The following TNS3 variants were observed in gnomAD, a reference collection of about 807,000 sequenced individuals.
TNS3 encodes tensin-3.
Under a neutral mutation model 140.9 loss-of-function variants are expected in TNS3, and 45 were observed. The ratio of observed to expected loss-of-function variants is 0.32; its 90% CI spans 0.25 to 0.41. The LOEUF (loss-of-function observed/expected upper bound fraction) is 0.41. Among genes scored for constraint, TNS3 ranks in the 10% least tolerant of loss-of-function variants. TNS3 has a pLI of 1.00. For missense variants in TNS3, 1,716 were observed against 1,906.7 expected (o/e 0.90, Z 1.86); for synonymous variants, 815 against 788.4 (o/e 1.03, Z -0.56).
intron 1 of TNS3, among the ~76,000 whole-genome samples, chr7:47,551,105 C>T (rs1305039051): frequency 1.3e-5 from 2 of 152,214 alleles, no homozygotes; most frequent in Non-Finnish European, 2.9e-5. Context: ...CCAGGAAGAT[C>T]TTCCTAAAAC....
intron 26 of TNS3, 78 bp from the exon 27 acceptor site, chr7:47,292,110 G>C (rs1296567549): frequency 7.0e-7 from 1 of 1,420,794 alleles, no homozygotes; most frequent in Non-Finnish European, 9.8e-7. Context: ...TAGACAATTT[G>C]ATGACAGAAT....
intron 1 of TNS3, among the ~76,000 whole-genome samples, chr7:47,548,279 C>T (rs613485): frequency 0.7 from 106,454 of 151,978 alleles, 37,552 homozygotes; most frequent in African/African-American, 0.79. Flanking sequence ...TAACACATCC[C>T]ATCTTTGAAA....
chr7:47,373,331 G>C (rs78733470), intron 16 of TNS3, among the ~76,000 whole-genome samples: 1,584 of 152,312 alleles, frequency 0.01, 27 homozygotes, highest in African/African-American at 0.036. Context: ...GGGAATGAAA[G>C]ATACAAAGAT....
intron 17 of TNS3, among the ~76,000 whole-genome samples, chr7:47,356,877 G>A (rs978285351): frequency 5.4e-5 from 8 of 149,218 alleles, no homozygotes; most frequent in Non-Finnish European, 1.0e-4. Context: ...AGGAGTTCCA[G>A]ACCAGCCTGG....
At chr7:47,541,037 GA>G (rs1320196720) in intron 1 of TNS3, among the ~76,000 whole-genome samples, 3 of 152,216 alleles carry the variant, frequency 2.0e-5, no homozygotes, top group Admixed American at 1.3e-4. Flanking sequence ...AGTGGACATG[GA>G]AACTCTAGGT....
intron 16 of TNS3, among the ~76,000 whole-genome samples, chr7:47,382,859 T>G (rs936924583): frequency 1.3e-5 from 2 of 152,184 alleles, no homozygotes; most frequent in Non-Finnish European, 1.5e-5. Context: ...CACAGTTCAA[T>G]TATCGTTCAA....
intron 2 of TNS3, among the ~76,000 whole-genome samples, chr7:47,522,562 A>G (rs1263515403): frequency 2.6e-5 from 4 of 152,214 alleles, no homozygotes; most frequent in African/African-American, 7.2e-5. Flanking sequence ...TTAACTTAAC[A>G]TAACTGAAAA....
At position 47,431,527 on chromosome 7, in the gene TNS3, A is replaced by G. The variant is rs949509328; in HGVS notation, c.325-3151T>C. On this transcript the variant is annotated intron_variant, in intron 8 of 30. Transcript: ENST00000311160. ...AGAATCACTTGAACCTGGGAGTTGG[A>G]GGTTGCAGTGAGCCGAGATCACGCC... 4.6e-5 allele frequency among the ~76,000 whole-genome samples: 7 copies of G among 152,316 alleles called. No individual in the cohort carries two copies. In the East Asian group the frequency reaches 1.4e-3, roughly 29 times the overall value.
At chr7:47,536,387 C>A (rs889326727) in intron 1 of TNS3, among the ~76,000 whole-genome samples, 3 of 151,646 alleles carry the variant, frequency 2.0e-5, no homozygotes, top group African/African-American at 7.3e-5. Flanking sequence ...ACCAGCACCG[C>A]TCTGTTTAAT....
At position 47,574,649 on chromosome 7, in the gene TNS3, C is replaced by CACACACA. The variant is rs1314030341; in HGVS notation, c.-265+7401_-265+7402insTGTGTGT. On this transcript the variant is annotated intron_variant, in intron 1 of 30. Coordinates refer to ENST00000311160, the MANE Select transcript of TNS3 (RefSeq NM_022748.12). ...CAGACACACACACACACACACACAC[C>CACACACA]CCCACACACACGGTATTATTCAGCC... 6.9e-4 allele frequency among the ~76,000 whole-genome samples: 93 copies of CACACACA among 134,964 alleles called. 1 individual carries two copies. The highest frequency in any genetic ancestry group is 2.4e-3 in the African/African-American group (90 of 37,756). The allele number at this position is 134,964 out of a possible 152,430, so 88.5% of individuals were successfully genotyped here. A position where few individuals can be genotyped will look rare whatever the true frequency, so the allele number is the denominator to read the frequency against.
At chr7:47,459,319 C>T (rs1187003732) in intron 4 of TNS3, among the ~76,000 whole-genome samples, 3 of 152,206 alleles carry the variant, frequency 2.0e-5, no homozygotes, top group African/African-American at 7.2e-5. Context: ...CATGCATCAT[C>T]CCAGAGAAGA....
intron 21 of TNS3, 142 bp downstream of exon 21, chr7:47,304,690 C>A (rs1007718369): frequency 3.7e-6 from 3 of 811,128 alleles, no homozygotes; most frequent in Non-Finnish European, 5.1e-6. Context: ...TGGTCCCCTG[C>A]CCCGCCCCAT....
intron 6 of TNS3, 37 bp from the exon 7 acceptor site, chr7:47,437,350 G>T (rs759572790): frequency 9.3e-7 from 1 of 1,070,418 alleles, no homozygotes; most frequent in East Asian, 3.1e-5. Context: ...GCATAAAATA[G>T]ATTTTAATAT....
chr7:47,494,422 A>G (rs1797924747), intron 3 of TNS3, among the ~76,000 whole-genome samples: 1 of 152,252 alleles, frequency 6.6e-6, no homozygotes, highest in African/African-American at 2.4e-5. Flanking sequence ...GGTTTTAGAT[A>G]AAGATTCTGA....
intron 4 of TNS3, among the ~76,000 whole-genome samples, chr7:47,449,822 T>G (rs1484331130): frequency 3.9e-5 from 6 of 152,182 alleles, no homozygotes; most frequent in Admixed American, 3.9e-4. Context: ...GCCAGGCTGG[T>G]CTTGAACTCC....
intron 9 of TNS3, among the ~76,000 whole-genome samples, chr7:47,425,418 G>A (rs959437874): frequency 3.9e-5 from 6 of 152,084 alleles, no homozygotes; most frequent in Admixed American, 6.6e-5. Flanking sequence ...TAAGCACTGC[G>A]GACTTCATAA....
intron 4 of TNS3, among the ~76,000 whole-genome samples, chr7:47,472,646 T>C (rs1427309425): frequency 2.0e-5 from 3 of 152,210 alleles, no homozygotes; most frequent in Non-Finnish European, 4.4e-5. Context: ...TAGAGGCGTC[T>C]AGACCAGAAG....
intron 16 of TNS3, among the ~76,000 whole-genome samples, chr7:47,376,741 A>ACACACACACACACACT (rs1300098098): frequency 3.3e-5 from 5 of 151,918 alleles, no homozygotes; most frequent in Non-Finnish European, 7.4e-5. Context: ...ACACACACAC[A>ACACACACACACACACT]CACACACACA....
Position 47,334,699 on chromosome 7 carries a change from G to T in TNS3, c.2650+10056C>A, listed in dbSNP as rs541587029. 8.6e-5 allele frequency among the ~76,000 whole-genome samples: 13 copies of T among 150,568 alleles called. No individual in the cohort carries two copies. In the East Asian group the frequency reaches 2.6e-3, roughly 30 times the overall value. The stretch of plus-strand genomic sequence containing the variant: ...GGCTCATGCAACCTCCGCCTCCTGG[G>T]TTCAAACAGTATTTAAATCCTGCCT... On this transcript the variant is annotated intron_variant, in intron 20 of 30. Coordinates refer to ENST00000311160, the MANE Select transcript of TNS3 (RefSeq NM_022748.12).
Sources: allele counts gnomAD v4.1 joint callset (sites outside exome capture counted in the v4.1 genomes callset), GRCh38; gene constraint gnomAD v4.1.1; transcripts MANE v1.5; gene names NCBI Gene and HGNC (gene_info 2026-07-23, HGNC 2026-07-21).